Variants in MSH3 observed in about 807,000 individuals in gnomAD.
MSH3 encodes DNA mismatch repair protein Msh3.
MSH3 carries 106 observed loss-of-function variants against 123.3 expected under a neutral mutation model. The ratio of observed to expected loss-of-function variants is 0.86; its 90% CI spans 0.73 to 1.01. The LOEUF (loss-of-function observed/expected upper bound fraction) is 1.01, where lower values mean the gene tolerates loss of function less well. Ranked by LOEUF, MSH3 falls within the 50% of genes least tolerant of loss-of-function variation. The pLI is 0.00. For synonymous variants in MSH3, 515 were observed against 481.4 expected (o/e 1.07, Z -0.91); for missense variants, 1,459 against 1,347.6 (o/e 1.08, Z -1.29).
At chr5:80,750,323 A>C (rs1743810886) in intron 12 of MSH3, among the ~76,000 whole-genome samples, 1 of 152,098 alleles carries the variant, frequency 6.6e-6, no homozygotes, top group Non-Finnish European at 1.5e-5. Context: ...ATACTGTTTT[A>C]CAAAGTGACT....
chr5:80,863,640 CAG>C (rs1244597152), intron 21 of MSH3, among the ~76,000 whole-genome samples: 1 of 148,036 alleles, frequency 6.8e-6, no homozygotes, highest in Non-Finnish European at 1.5e-5. Flanking sequence ...CACTGGGCAA[CAG>C]AGTGACACTC....
chr5:80,781,435 T>G (rs1245840160), intron 17 of MSH3, among the ~76,000 whole-genome samples: 1 of 152,128 alleles, frequency 6.6e-6, no homozygotes, highest in East Asian at 1.9e-4. Flanking sequence ...GGTGTTATTC[T>G]TGATTCTTTC....
At chr5:80,755,544 A>G (rs1425779290) in intron 12 of MSH3, among the ~76,000 whole-genome samples, 1 of 152,212 alleles carries the variant, frequency 6.6e-6, no homozygotes, top group African/African-American at 2.4e-5. Flanking sequence ...TTTTAATGTC[A>G]TAAAATATCT....
At chr5:80,837,201 A>T (rs1000159994) in intron 20 of MSH3, among the ~76,000 whole-genome samples, 7 of 152,210 alleles carry the variant, frequency 4.6e-5, no homozygotes, top group Non-Finnish European at 1.0e-4. Flanking sequence ...GCTGTTAGTA[A>T]AAGTGAAGGT....
intron 19 of MSH3, 72 bp downstream of exon 19, chr5:80,792,916 A>G (rs1193717230): frequency 3.0e-6 from 3 of 1,015,614 alleles, no homozygotes; most frequent in Admixed American, 2.0e-5. Context: ...AAACATTTTT[A>G]TAATTAAAAG....
At chr5:80,760,380 T>A (rs1484700388) in intron 12 of MSH3, among the ~76,000 whole-genome samples, 1 of 152,326 alleles carries the variant, frequency 6.6e-6, no homozygotes, top group East Asian at 1.9e-4. Context: ...ATACATTTAG[T>A]CCATCAGATT....
chr5:80,839,349 CAG>C (rs1745575549), intron 20 of MSH3, among the ~76,000 whole-genome samples: 1 of 152,186 alleles, frequency 6.6e-6, no homozygotes, highest in Non-Finnish European at 1.5e-5. Context: ...ACCTGGACAA[CAG>C]AGTGAGACTC....
At chr5:80,665,055 C>T in intron 2 of MSH3, 88 bp from the exon 3 acceptor site, 2 of 953,690 alleles carry the variant, frequency 2.1e-6, no homozygotes, top group Admixed American at 2.4e-5. Flanking sequence ...GGGAATCTAC[C>T]TCTTTAAAAA....
intron 8 of MSH3, among the ~76,000 whole-genome samples, chr5:80,696,000 G>T (rs543434922): frequency 6.6e-6 from 1 of 152,150 alleles, no homozygotes. Flanking sequence ...CCTCCTTATT[G>T]CCAGGTGGAG....
intron 8 of MSH3, among the ~76,000 whole-genome samples, chr5:80,694,493 G>A (rs1453889531): frequency 6.6e-6 from 1 of 152,026 alleles, no homozygotes; most frequent in African/African-American, 2.4e-5. Flanking sequence ...TATTTAGAAA[G>A]CGTTATAATT....
At chr5:80,659,409 C>T (rs565637478) in intron 2 of MSH3, among the ~76,000 whole-genome samples, 1 of 152,264 alleles carries the variant, frequency 6.6e-6, no homozygotes, top group Non-Finnish European at 1.5e-5. Context: ...CTGTTCTGCC[C>T]CAGCACTCCC....
chr5:80,765,608 A>G (rs1227378477), intron 13 of MSH3, among the ~76,000 whole-genome samples: 2 of 152,150 alleles, frequency 1.3e-5, no homozygotes, highest in African/African-American at 2.4e-5. Flanking sequence ...TCATCTCAAG[A>G]CAGTTCTTTT....
intron 12 of MSH3, among the ~76,000 whole-genome samples, chr5:80,755,372 G>C (rs1319751504): frequency 1.3e-5 from 2 of 152,276 alleles, no homozygotes; most frequent in East Asian, 3.9e-4. Flanking sequence ...TTTCATTTGG[G>C]CTGAGGAAGA....
intron 21 of MSH3, among the ~76,000 whole-genome samples, chr5:80,858,433 T>C (rs1372062082): frequency 6.6e-6 from 1 of 152,214 alleles, no homozygotes. Flanking sequence ...TAGTTCCAAA[T>C]ATTTTAAATT....
intron 20 of MSH3, among the ~76,000 whole-genome samples, chr5:80,843,649 T>C (rs999217225): frequency 1.3e-5 from 2 of 152,180 alleles, no homozygotes; most frequent in Non-Finnish European, 2.9e-5. Context: ...GTATATGTCC[T>C]GGAATTTATC....
chr5:80,761,061 A>T (rs949053443), intron 12 of MSH3, among the ~76,000 whole-genome samples: 11 of 152,314 alleles, frequency 7.2e-5, no homozygotes, highest in African/African-American at 2.6e-4. Flanking sequence ...ATATTGTTGT[A>T]GGACTTTTTC....
rs574102472 is a variant in MSH3 at position 80,745,404 on chromosome 5, A to G, written c.1763+789A>G. Reference sequence around the variant, plus strand: ...TTGAATGAAAATTGTTATTTATTGCACACTTTCTATTTACTGGTGTTTAAT... The same window carrying G: ...TTGAATGAAAATTGTTATTTATTGCGCACTTTCTATTTACTGGTGTTTAAT... On this transcript the variant is annotated intron_variant, in intron 12 of 23. Transcript: ENST00000265081. Among the ~76,000 whole-genome samples the G allele has an allele frequency of 7.2e-5, 11 of 152,322 alleles. No individual in the cohort carries two copies. The South Asian group carries it at 2.3e-3, about 32-fold the overall frequency.
chr5:80,703,150 T>C (rs1207207724), intron 8 of MSH3, among the ~76,000 whole-genome samples: 1 of 152,236 alleles, frequency 6.6e-6, no homozygotes, highest in Non-Finnish European at 1.5e-5. Flanking sequence ...ATGTCCATAA[T>C]AAATGACAGG....
chr5:80,684,906 T>A lies in MSH3; in HGVS notation c.1340+5813T>A, dbSNP rs564687536. 8.5e-5 allele frequency among the ~76,000 whole-genome samples: 13 copies of A among 152,282 alleles called. No individual in the cohort carries two copies. The South Asian group carries it at 2.3e-3, about 27-fold the overall frequency. On this transcript the variant is annotated intron_variant, in intron 8 of 23. Coordinates refer to ENST00000265081, the MANE Select transcript of MSH3 (RefSeq NM_002439.5). ...AATTTTATCAAATCCTTTTTCAGCA[T>A]CAAATGAAATGATTATGTGTTTTTT...
Sources: allele counts gnomAD v4.1 joint callset (sites outside exome capture counted in the v4.1 genomes callset), GRCh38; gene constraint gnomAD v4.1.1; transcripts MANE v1.5; gene names NCBI Gene and HGNC (gene_info 2026-07-23, HGNC 2026-07-21).